Variants in NHSL3 observed in about 807,000 individuals in gnomAD.
NHSL3 encodes the protein NHS-like protein 3.
chr1:32,756,475 C>T, the NHSL3 span, among the ~76,000 whole-genome samples: 1 of 104,282 alleles, frequency 9.6e-6, no homozygotes, highest in Non-Finnish European at 2.2e-5. Context: ...ACGAGACCCC[C>T]CCCCCCCGCC....
chr1:32,769,842 C>T, the NHSL3 span: 2 of 1,611,500 alleles, frequency 1.2e-6, no homozygotes, highest in Non-Finnish European at 1.7e-6. Flanking sequence ...TTGGTCATCC[C>T]CTCTCTGCTG....
chr1:32,750,614 T>G, the NHSL3 span, among the ~76,000 whole-genome samples: 2 of 152,036 alleles, frequency 1.3e-5, no homozygotes, highest in East Asian at 1.9e-4. Flanking sequence ...TTCAAGTGAT[T>G]CTCCTGCCTC....
chr1:32,771,120 G>C, the NHSL3 span: 1 of 1,613,346 alleles, frequency 6.2e-7, no homozygotes, highest in Middle Eastern at 1.7e-4. Context: ...ACCGCTCTGG[G>C]CCACAGATAT....
chr1:32,757,940 A>C, the NHSL3 span, among the ~76,000 whole-genome samples: 1 of 152,174 alleles, frequency 6.6e-6, no homozygotes, highest in African/African-American at 2.4e-5. Context: ...TAGTGGAGGA[A>C]GCACTGTGGG....
chr1:32,772,375 C>T, the NHSL3 span: 421 of 1,582,602 alleles, frequency 2.7e-4, no homozygotes, highest in Non-Finnish European at 3.6e-4. Context: ...TAAGAGGGAG[C>T]TGGCGGAGAA....
At chr1:32,741,947 C>T in the NHSL3 span, 1 of 920,238 alleles carries the variant, frequency 1.1e-6, no homozygotes, top group Non-Finnish European at 1.3e-6. This position sits in a 1 kb window ranked among gnomAD's most constrained non-coding sequence, Gnocchi z 4.3. Context: ...GCTCCGCCCC[C>T]GCCTGCCATG....
the NHSL3 span, chr1:32,772,215 C>T: frequency 5.0e-6 from 8 of 1,609,874 alleles, no homozygotes; most frequent in East Asian, 2.2e-5. Context: ...AGCGGCCACC[C>T]CAGGCCCCAA....
chr1:32,767,397 GGGTGTGCTT>G, the NHSL3 span, among the ~76,000 whole-genome samples: 1 of 152,112 alleles, frequency 6.6e-6, no homozygotes, highest in Admixed American at 6.5e-5. Context: ...CGTGCGGGCT[GGGTGTGCTT>G]GGTGTGTGTA....
chr1:32,753,206 CGGGTGGTGT>C, the NHSL3 span, among the ~76,000 whole-genome samples: 4 of 148,430 alleles, frequency 2.7e-5, no homozygotes, highest in Non-Finnish European at 5.9e-5. Context: ...TTTAACAGGC[CGGGTGGTGT>C]GGCTCACGCC....
the NHSL3 span, among the ~76,000 whole-genome samples, chr1:32,756,681 A>G: frequency 8.5e-6 from 1 of 117,076 alleles, no homozygotes; most frequent in East Asian, 2.7e-4. Context: ...AAAAAAAAAA[A>G]GAATGGGCTG....
chr1:32,758,265 C>T, the NHSL3 span, among the ~76,000 whole-genome samples: 1 of 152,148 alleles, frequency 6.6e-6, no homozygotes. Context: ...GACCCGCCCT[C>T]TTCCTTTTCC....
chr1:32,748,551 C>T, the NHSL3 span, among the ~76,000 whole-genome samples: 2 of 152,172 alleles, frequency 1.3e-5, no homozygotes, highest in East Asian at 3.8e-4. Flanking sequence ...ATCCAGTGAA[C>T]TCCTATTCAG....
the NHSL3 span, among the ~76,000 whole-genome samples, chr1:32,750,805 C>CTTCCCCA: frequency 6.6e-6 from 1 of 150,504 alleles, no homozygotes; most frequent in East Asian, 2.0e-4. Context: ...AGCGCCCGGC[C>CTTCCCCA]CCTTTTATTT....
the NHSL3 span, among the ~76,000 whole-genome samples, chr1:32,753,072 G>A: frequency 3.3e-5 from 5 of 151,070 alleles, no homozygotes; most frequent in East Asian, 7.9e-4. Flanking sequence ...GGGTTCAAGC[G>A]ATTCTCCTGC....
chr1:32,744,793 T>C, the NHSL3 span, among the ~76,000 whole-genome samples: 1 of 152,192 alleles, frequency 6.6e-6, no homozygotes, highest in Non-Finnish European at 1.5e-5. Flanking sequence ...GGCTGTGACC[T>C]TTCTGTCTCA....
chr1:32,769,340 A>C, the NHSL3 span, among the ~76,000 whole-genome samples: 3 of 152,186 alleles, frequency 2.0e-5, no homozygotes, highest in Admixed American at 6.5e-5. Context: ...ACCTTGGGAA[A>C]ACCCTTAACC....
chr1:32,770,143 T>A, the NHSL3 span: 1 of 1,580,576 alleles, frequency 6.3e-7, no homozygotes, highest in African/African-American at 1.3e-5. The surrounding 1 kb of genome is among the most constrained non-coding windows in gnomAD (Gnocchi z 8.3). Flanking sequence ...CCGGCCCATG[T>A]CCCTAGCAGT....
chr1:32,742,144 A>C, the NHSL3 span: 1 of 1,244,054 alleles, frequency 8.0e-7, no homozygotes, highest in Non-Finnish European at 1.0e-6. Flanking sequence ...CCCCCGGGCC[A>C]AGAAGGCGGA....
the NHSL3 span, chr1:32,771,181 GC>G: frequency 2.5e-6 from 4 of 1,609,864 alleles, no homozygotes; most frequent in Non-Finnish European, 3.4e-6. Context: ...CAAGGTGCCT[GC>G]CCCCTTCTCC....
Sources: allele counts gnomAD v4.1 joint callset (sites outside exome capture counted in the v4.1 genomes callset), GRCh38; gene constraint gnomAD v4.1.1; non-coding constraint Gnocchi (gnomAD v3.1); transcripts MANE v1.5; gene names NCBI Gene and HGNC (gene_info 2026-07-23, HGNC 2026-07-21).